EP400: variants seen among roughly 807,000 people sequenced by gnomAD.
The protein encoded by EP400 is E1A-binding protein p400.
EP400 carries 105 observed loss-of-function variants against 354.1 expected under a neutral mutation model. The ratio of observed to expected loss-of-function variants is 0.30; its 90% CI spans 0.25 to 0.35. EP400 has a LOEUF of 0.35. Among genes scored for constraint, EP400 ranks in the 10% least tolerant of loss-of-function variants. EP400 has a pLI of 1.00. For missense variants in EP400, 3,280 were observed against 4,121.0 expected, an observed-to-expected ratio of 0.80 and a Z score of 5.59; for synonymous variants, 1,646 against 1,716.9, an observed-to-expected ratio of 0.96 and a Z score of 1.02.
chr12:131,962,026 G>A, intron 2 of EP400, 72 bp downstream of exon 2: 2 of 1,464,140 alleles, frequency 1.4e-6, no homozygotes, highest in Non-Finnish European at 1.8e-6. Context: ...AATGAATTAA[G>A]TAATAATTTA....
chr12:132,045,698 C>G (rs930312024), intron 38 of EP400, 29 bp from the exon 39 acceptor site: 1 of 1,612,898 alleles, frequency 6.2e-7, no homozygotes, highest in Admixed American at 1.7e-5. Flanking sequence ...AGTGTATTCA[C>G]CTGTTTTACC....
chr12:132,035,725 G>C (rs1894674147), intron 30 of EP400, among the ~76,000 whole-genome samples: 1 of 148,956 alleles, frequency 6.7e-6, no homozygotes, highest in Non-Finnish European at 1.5e-5. Context: ...GAACGCTGTG[G>C]AAGCGCACAC....
Position 132,038,387 on chromosome 12 carries a change from C to T in EP400, c.6207+291C>T, listed in dbSNP as rs77063486. On this transcript the variant is annotated intron_variant, in intron 32 of 52. Transcript: ENST00000389561. The surrounding 1 kb of genome is among the most constrained non-coding windows in gnomAD (Gnocchi z 4.2). ...CCACAGTCTCAGCTCCTTCCCCTCCCCATGGAAATCTATCCCTGCCTCCTC... is the reference window on the plus strand; with the variant it reads ...CCACAGTCTCAGCTCCTTCCCCTCCTCATGGAAATCTATCCCTGCCTCCTC... Among the ~76,000 whole-genome samples, 3,781 of 152,304 alleles carry T rather than the reference C, an allele frequency of 0.025. 180 individuals carry two copies. The highest frequency in any genetic ancestry group is 0.06 in the East Asian group (308 of 5,170).
At position 132,017,679 on chromosome 12, in the gene EP400, C is replaced by T. The variant is rs149517050; in HGVS notation, c.4068C>T (p.Ser1356=). The T allele has an allele frequency of 5.2e-5, 81 of 1,570,600 alleles. No homozygotes were observed. In the African/African-American group the frequency reaches 7.9e-4, roughly 15 times the overall value. ...SYVAGPLEYP[S]ASLILKALER... is the part of the protein sequence containing the mutation. ...TGGCGGGGCCACTGGAGTATCCGTC[C>T]GCATCTCTAATCCTGAAGGCACTGG... The change falls in exon 20 of 53, where the codon TCC becomes TCT. Residue 1356 remains serine (S), a synonymous_variant. Transcript: ENST00000389561. This position sits in a 1 kb window ranked among gnomAD's most constrained non-coding sequence, Gnocchi z 5.0.
chr12:131,963,573 C>T (rs763258752), intron 2 of EP400: 56 of 1,598,408 alleles, frequency 3.5e-5, no homozygotes, highest in Admixed American at 1.5e-4. Flanking sequence ...CTGGGACTCC[C>T]GTTGCTATAG....
chr12:132,013,731 C>T lies in EP400; in HGVS notation c.3787-46C>T. 6.2e-7 allele frequency: 1 copy of T among 1,610,586 alleles called. No individual in the cohort carries two copies. The highest frequency in any genetic ancestry group is 1.3e-5 in the African/African-American group (1 of 74,806). On this transcript the variant is annotated intron_variant, in intron 18 of 52. Coordinates refer to ENST00000389561, the MANE Select transcript of EP400 (RefSeq NM_015409.5). The surrounding 1 kb of genome is among the most constrained non-coding windows in gnomAD (Gnocchi z 4.5). ...CGTATGCCTTGTTATAAACGTGTTA[C>T]AGCAGCATTTTTGGAAAGAAAACAG...
In EP400 at chr12:132,060,598, G is replaced by T. The variant is rs368772937; in HGVS notation, c.7885-1512G>T. On this transcript the variant is annotated intron_variant, in intron 45 of 52. Coordinates refer to ENST00000389561, the MANE Select transcript of EP400 (RefSeq NM_015409.5). ...GAAAGAAAGTTGCTGCCAGCCTAGGGCTCTGCATCTCTTGGAGATATCTTA... is the reference window on the plus strand; with the variant it reads ...GAAAGAAAGTTGCTGCCAGCCTAGGTCTCTGCATCTCTTGGAGATATCTTA... Among the ~76,000 whole-genome samples, 339 of 152,214 alleles carry T rather than the reference G, an allele frequency of 2.2e-3. 4 individuals are homozygous for T. The highest frequency in any genetic ancestry group is 7.8e-3 in the African/African-American group (322 of 41,522).
In EP400 at chr12:131,960,627, A is replaced by G. The variant is rs1383767652; in HGVS notation, c.8A>G (p.His3Arg). 4 of 1,587,960 alleles carry G rather than the reference A, an allele frequency of 2.5e-6. No individual in the cohort carries two copies. Among genetic ancestry groups the G allele is most frequent in the Middle Eastern group, 1.7e-4 (1 of 5,964 alleles). The part of the protein sequence containing the change: MH[H>R]GTGPQNVQHQ... ...TACAGAAGGGAGGTGATCATGCACC[A>G]TGGCACTGGCCCCCAGAACGTCCAG... The change falls in exon 2 of 53, where the codon CAT becomes CGT. Residue 3 changes from histidine to arginine, a missense_variant. This residue lies in a region of EP400 where 172 missense variants were observed against 242.9 expected (regional missense o/e 0.71). Coordinates refer to ENST00000389561, the MANE Select transcript of EP400 (RefSeq NM_015409.5).
At chr12:131,981,632 G>A (rs1270053441) in intron 4 of EP400, 36 bp downstream of exon 4, 1 of 1,550,676 alleles carries the variant, frequency 6.4e-7, no homozygotes, top group Admixed American at 1.9e-5. Context: ...CCCCGCTCAG[G>A]AGCAGGCAGC....
Position 132,055,142 on chromosome 12 carries a change from C to T in EP400, c.7818C>T (p.Val2606=). 1 of 1,608,582 alleles carries T rather than the reference C, an allele frequency of 6.2e-7. No individual in the cohort carries two copies. Among genetic ancestry groups the T allele is most frequent in the Non-Finnish European group, 8.5e-7 (1 of 1,177,236 alleles). The change falls in exon 45 of 53, where the codon GTC becomes GTT. Residue 2606 remains valine (V), a synonymous_variant. Transcript: ENST00000389561. ...GNVIVNTIAG[V]PAATFQSINK... is the part of the protein sequence containing the mutation. ...TGATCGTGAACACCATCGCAGGGGTCCCAGCTGCCACCTTCCAGTCCATCA... is the reference window on the plus strand; with the variant it reads ...TGATCGTGAACACCATCGCAGGGGTTCCAGCTGCCACCTTCCAGTCCATCA...
rs749243178 is a variant in EP400, at chr12:131,952,244, AGTG to A, written c.-36+2209_-36+2211del. 1.0e-4 allele frequency among the ~76,000 whole-genome samples: 14 copies of A among 139,976 alleles called. No individual in the cohort carries two copies. The East Asian group carries it at 1.4e-3, about 14-fold the overall frequency. 91.8% of individuals were successfully genotyped at this position (139,976 alleles called of 152,430 possible). A position where few individuals can be genotyped will look rare whatever the true frequency, so the allele number is the denominator to read the frequency against. ...GGTGAACCTGGGAGGCGGAGCTTGC[AGTG>A]AGCGGAGATTGCGCCACTGCACTCC... On this transcript the variant is annotated intron_variant, in intron 1 of 52. Coordinates refer to ENST00000389561, the MANE Select transcript of EP400 (RefSeq NM_015409.5).
rs781385495 is a variant in EP400, at chr12:131,960,838, C to T, written c.219C>T (p.Asn73=). Residue 73 remains asparagine, a synonymous_variant, in exon 2 of 53, where the codon AAC becomes AAT. Transcript: ENST00000389561. ...GCCCTGCAACCGGGCAGAACGTGAA[C>T]ATCACCCTGCAGAGCGTGGGCCCTG... ...NRSPATGQNV[N]ITLQSVGPVV... is the part of the protein sequence containing the mutation. 6.2e-7 allele frequency: 1 copy of T among 1,613,888 alleles called. No homozygotes were observed. Among genetic ancestry groups the T allele is most frequent in the Non-Finnish European group, 8.5e-7 (1 of 1,180,002 alleles).
intron 10 of EP400, 38 bp downstream of exon 10, chr12:131,991,494 G>A: frequency 6.2e-7 from 1 of 1,602,416 alleles, no homozygotes. Flanking sequence ...GTGAGAAGGA[G>A]TAGAAGCAGC....
intron 19 of EP400, among the ~76,000 whole-genome samples, chr12:132,014,229 G>A (rs1593347007): frequency 6.6e-6 from 1 of 152,216 alleles, no homozygotes; most frequent in Non-Finnish European, 1.5e-5. Context: ...CCATTCATCC[G>A]GGAGGGATGG....
rs754702862 is a variant in EP400, at chr12:131,982,076, C to T, written c.1544-17C>T. On this transcript the variant is annotated splice_polypyrimidine_tract_variant and intron_variant, in intron 4 of 52. Coordinates refer to ENST00000389561, the MANE Select transcript of EP400 (RefSeq NM_015409.5). ...CACTTGGGAATCAGTGCTTTTGGCA[C>T]TTTTCTTATTTTGCAGGAGGAATGC... 1 of 1,503,014 alleles carries T rather than the reference C, an allele frequency of 6.7e-7. No homozygotes were observed. Among genetic ancestry groups the T allele is most frequent in the Non-Finnish European group, 8.8e-7 (1 of 1,132,366 alleles). The allele number at this position is 1,503,014 out of a possible 1,614,324, so 93.1% of individuals were successfully genotyped here.
chr12:132,033,308 A>T (rs530972028), intron 30 of EP400, among the ~76,000 whole-genome samples: 42 of 152,200 alleles, frequency 2.8e-4, no homozygotes, highest in Non-Finnish European at 4.9e-4. Flanking sequence ...GAAATGGGGA[A>T]AGGTTACTGT....
At position 132,028,183 on chromosome 12, in the gene EP400, A is replaced by G; in HGVS notation, c.5276A>G (p.Lys1759Arg). 1 of 1,614,156 alleles carries G rather than the reference A, an allele frequency of 6.2e-7. No individual in the cohort carries two copies. Residue 1759 changes from lysine (K) to arginine (R), a missense_variant, in exon 27 of 53, where the codon AAG (lysine) becomes AGG (arginine). Physicochemically the swap from Lys to Arg is conservative, Grantham distance 26. Coordinates refer to ENST00000389561, the MANE Select transcript of EP400 (RefSeq NM_015409.5). ...GGGTCCCTGGATGGCCGTCGTGGGA[A>G]GGAGGCCGGGCCAGCGCACAGTTAC... ...WRGSLDGRRG[K>R]EAGPAHSYTS...
intron 32 of EP400, among the ~76,000 whole-genome samples, chr12:132,041,631 C>T (rs1894912788): frequency 6.6e-6 from 1 of 152,168 alleles, no homozygotes; most frequent in South Asian, 2.1e-4. Flanking sequence ...TATTTGTATC[C>T]TTGTCTTTTG....
chr12:132,029,810 G>C lies in EP400; in HGVS notation c.5491G>C (p.Glu1831Gln). ...GAGGATCTTGAGGCAGGGCCTGAGA[G>C]AGCACGCTGCGCCGTACTTCCAGCA... ...RMRILRQGLR[E>Q]HAAPYFQQLR... is the part of the protein sequence containing the mutation. Residue 1831 changes from glutamate to glutamine, a missense_variant, in exon 28 of 53, where the codon GAG becomes CAG. Around this residue, in one of 20 missense-constraint regions of EP400, gnomAD observed 459 missense variants for 496.9 expected, o/e 0.92. Coordinates refer to ENST00000389561, the MANE Select transcript of EP400 (RefSeq NM_015409.5). The surrounding 1 kb of genome is among the most constrained non-coding windows in gnomAD (Gnocchi z 4.7). 1 of 1,613,568 alleles carries C rather than the reference G, an allele frequency of 6.2e-7. No homozygotes were observed.
Sources: allele counts gnomAD v4.1 joint callset (sites outside exome capture counted in the v4.1 genomes callset), GRCh38; gene constraint gnomAD v4.1.1; regional missense constraint gnomAD v4.1.1; non-coding constraint Gnocchi (gnomAD v3.1); transcripts MANE v1.5; gene names NCBI Gene and HGNC (gene_info 2026-07-23, HGNC 2026-07-21).